Variants in RIMBP2 observed in about 807,000 individuals in gnomAD.
RIMBP2 encodes the protein RIMS binding protein 2.
RIMBP2 carries 48 observed loss-of-function variants against 118.6 expected under a neutral mutation model. The ratio of observed to expected loss-of-function variants is 0.40; its 90% CI spans 0.32 to 0.51. The LOEUF (loss-of-function observed/expected upper bound fraction) is 0.51. Among genes scored for constraint, RIMBP2 ranks in the 20% least tolerant of loss-of-function variants. The pLI is 0.41. For synonymous variants in RIMBP2, 762 were observed against 742.9 expected, an observed-to-expected ratio of 1.03 and a Z score of -0.42; for missense variants, 1,551 against 1,768.3, an observed-to-expected ratio of 0.88 and a Z score of 2.20.
At chr12:130,510,087 G>T (rs527825755) in intron 3 of RIMBP2, among the ~76,000 whole-genome samples, 2 of 152,316 alleles carry the variant, frequency 1.3e-5, no homozygotes, top group South Asian at 4.1e-4. Flanking sequence ...CTTTGGTCAA[G>T]AACAGACAAC....
At chr12:130,557,909 C>T (rs928401542) in intron 2 of RIMBP2, among the ~76,000 whole-genome samples, 24 of 152,110 alleles carry the variant, frequency 1.6e-4, no homozygotes, top group Non-Finnish European at 2.9e-5. Flanking sequence ...GCTGTGGCTT[C>T]GGCAAGTTAC....
rs755442989 is a variant in RIMBP2, at chr12:130,710,880, G to A, written c.-352+5342C>T. On this transcript the variant is annotated intron_variant, in intron 1 of 22. Coordinates refer to ENST00000690449, the MANE Select transcript of RIMBP2 (RefSeq NM_001393629.1). The surrounding 1 kb of genome is among the most constrained non-coding windows in gnomAD (Gnocchi z 4.3). Reference sequence around the variant, plus strand: ...ACTGCTCCCAATCCTCACAGGCCCCGCACGTCACACGTGGGGTCCCATGGA... The same window carrying A: ...ACTGCTCCCAATCCTCACAGGCCCCACACGTCACACGTGGGGTCCCATGGA... Among the ~76,000 whole-genome samples the A allele has an allele frequency of 4.6e-5, 7 of 152,204 alleles. No individual in the cohort carries two copies. Among genetic ancestry groups the A allele is most frequent in the Non-Finnish European group, 8.8e-5 (6 of 68,040 alleles).
At chr12:130,598,252 A>C (rs2059666965) in intron 2 of RIMBP2, among the ~76,000 whole-genome samples, 2 of 152,212 alleles carry the variant, frequency 1.3e-5, no homozygotes, top group Admixed American at 6.5e-5. Flanking sequence ...ATAAGCAGAG[A>C]GATATCTTGC....
intron 1 of RIMBP2, among the ~76,000 whole-genome samples, chr12:130,667,062 A>AT (rs2063961767): frequency 9.4e-6 from 1 of 106,378 alleles, no homozygotes; most frequent in Non-Finnish European, 2.0e-5. Context: ...GGAGAAAAGG[A>AT]AGAAGGGAGG....
chr12:130,522,189 G>A (rs564923932), intron 2 of RIMBP2, among the ~76,000 whole-genome samples: 1 of 152,332 alleles, frequency 6.6e-6, no homozygotes, highest in East Asian at 1.9e-4. Flanking sequence ...AACAGGAATA[G>A]CCTTATTTGA....
intron 2 of RIMBP2, among the ~76,000 whole-genome samples, chr12:130,615,557 C>T (rs1423257798): frequency 2.0e-5 from 3 of 151,830 alleles, no homozygotes; most frequent in African/African-American, 7.3e-5. Flanking sequence ...GTGATCTGCC[C>T]GCCTCAGCCT....
At chr12:130,399,348 C>T (rs1421497306) in intron 22 of RIMBP2, among the ~76,000 whole-genome samples, 1 of 152,136 alleles carries the variant, frequency 6.6e-6, no homozygotes, top group African/African-American at 2.4e-5. Flanking sequence ...GGCAAATAAC[C>T]TCCATTGCCC....
chr12:130,593,159 A>C (rs2059374683), intron 2 of RIMBP2, among the ~76,000 whole-genome samples: 1 of 152,130 alleles, frequency 6.6e-6, no homozygotes, highest in Admixed American at 6.5e-5. Context: ...CCCACTCCTC[A>C]TGGCCTGGCC....
chr12:130,560,476 C>A (rs1182145477), intron 2 of RIMBP2, among the ~76,000 whole-genome samples: 2 of 152,126 alleles, frequency 1.3e-5, no homozygotes, highest in South Asian at 4.1e-4. Context: ...CCGGTAGTGA[C>A]CACCCAAAAT....
chr12:130,475,328 C>T lies in RIMBP2; in HGVS notation c.102+3584G>A, dbSNP rs2081340061. On this transcript the variant is annotated intron_variant, in intron 5 of 22. Transcript: ENST00000690449. This position sits in a 1 kb window ranked among gnomAD's most constrained non-coding sequence, Gnocchi z 4.1. ...TCTGGACAAGGTGCTGGGATGCAGG[C>T]CCCTGATATTAGACGCCTGAATGTC... 6.6e-6 allele frequency among the ~76,000 whole-genome samples: 1 copy of T among 152,212 alleles called. No individual in the cohort carries two copies. The highest frequency in any genetic ancestry group is 2.1e-4 in the South Asian group (1 of 4,826).
intron 17 of RIMBP2, among the ~76,000 whole-genome samples, chr12:130,417,603 G>A (rs557471760): frequency 3.3e-5 from 5 of 152,280 alleles, no homozygotes; most frequent in African/African-American, 9.6e-5. Flanking sequence ...GGCAAGGGCC[G>A]AGAAACTCCT....
At chr12:130,448,156 A>AAATAGG (rs2137296746) in intron 9 of RIMBP2, among the ~76,000 whole-genome samples, 1 of 151,874 alleles carries the variant, frequency 6.6e-6, no homozygotes, top group Admixed American at 6.5e-5. Flanking sequence ...ATCACCAGTA[A>AAATAGG]AATAGGAATA....
intron 2 of RIMBP2, among the ~76,000 whole-genome samples, chr12:130,577,363 C>A: frequency 6.6e-6 from 1 of 152,150 alleles, no homozygotes; most frequent in East Asian, 1.9e-4. Context: ...AAGATATTAC[C>A]TGAGACTGGG....
chr12:130,408,264 G>T (rs1333279969), intron 19 of RIMBP2, among the ~76,000 whole-genome samples: 3 of 152,178 alleles, frequency 2.0e-5, no homozygotes, highest in Non-Finnish European at 2.9e-5. Flanking sequence ...TGTAACTATG[G>T]TGGCGCTACA....
At chr12:130,538,833 C>T (rs575789140) in intron 2 of RIMBP2, among the ~76,000 whole-genome samples, 31 of 152,120 alleles carry the variant, frequency 2.0e-4, no homozygotes, top group African/African-American at 6.7e-4. Flanking sequence ...CCTGCCCCCA[C>T]TCTTCCCTCC....
intron 19 of RIMBP2, among the ~76,000 whole-genome samples, chr12:130,410,546 G>C (rs1485617784): frequency 1.3e-5 from 2 of 152,194 alleles, no homozygotes; most frequent in East Asian, 3.9e-4. Flanking sequence ...TTAATATGGT[G>C]AGAGTGTGGT....
At chr12:130,497,274 T>G (rs1410787803) in intron 4 of RIMBP2, among the ~76,000 whole-genome samples, 3 of 152,166 alleles carry the variant, frequency 2.0e-5, no homozygotes, top group Non-Finnish European at 4.4e-5. Flanking sequence ...GCTGATTGAA[T>G]CTACCCCTCT....
chr12:130,544,317 C>T (rs1444685386), intron 2 of RIMBP2, among the ~76,000 whole-genome samples: 1 of 152,234 alleles, frequency 6.6e-6, no homozygotes, highest in African/African-American at 2.4e-5. Flanking sequence ...TTAAGCCATG[C>T]TGCATGGGAA....
chr12:130,515,066 C>T lies in RIMBP2; in HGVS notation c.-127+2762G>A, dbSNP rs1376698534. ...TAATTTTTTGTATTTTTAGTAGAGACGGGGTTTCACCGTGTTAGCCAGGAT... is the reference window on the plus strand; with the variant it reads ...TAATTTTTTGTATTTTTAGTAGAGATGGGGTTTCACCGTGTTAGCCAGGAT... On this transcript the variant is annotated intron_variant, in intron 3 of 22. Coordinates refer to ENST00000690449, the MANE Select transcript of RIMBP2 (RefSeq NM_001393629.1). Among the ~76,000 whole-genome samples, 7 of 152,144 alleles carry T rather than the reference C, an allele frequency of 4.6e-5. No homozygotes were observed. The East Asian group carries it at 7.7e-4, about 17-fold the overall frequency.
Sources: gnomAD v4.1 joint callset for allele counts (sites outside exome capture counted in the v4.1 genomes callset) on GRCh38, gnomAD v4.1.1 for gene constraint, Gnocchi (gnomAD v3.1) non-coding constraint, MANE v1.5 for transcripts, NCBI Gene and HGNC (gene_info 2026-07-23, HGNC 2026-07-21) for gene names.